The following SUMF1 variants were observed in gnomAD, a reference collection of about 807,000 sequenced individuals.
SUMF1 encodes sulfatase modifying factor 1.
In SUMF1, 48 loss-of-function variants were observed where a neutral mutation model predicts 47.6. The observed-to-expected ratio is 1.01, with a 90% CI of 0.80 to 1.28. SUMF1 has a LOEUF of 1.28. Among genes scored for constraint, SUMF1 ranks in the 50% most tolerant of loss-of-function variants. The probability of loss-of-function intolerance (pLI) is 0.00; values close to 1 mark genes in which losing one functional copy is unlikely to be tolerated. For synonymous variants in SUMF1, 230 were observed against 192.1 expected (o/e 1.20, Z -1.63); for missense variants, 571 against 485.4 (o/e 1.18, Z -1.66).
At chr3:4,203,244 A>G (rs953823917) in intron 8 of SUMF1, among the ~76,000 whole-genome samples, 22 of 151,828 alleles carry the variant, frequency 1.4e-4, no homozygotes, top group Admixed American at 4.6e-4. Flanking sequence ...CTCTAATAAT[A>G]TTTGCTTTAT....
chr3:4,275,652 G>A (rs1697399134), intron 8 of SUMF1, among the ~76,000 whole-genome samples: 1 of 152,150 alleles, frequency 6.6e-6, no homozygotes, highest in Non-Finnish European at 1.5e-5. Context: ...TGGGGATGAG[G>A]CCAACTTCTC....
At chr3:4,104,034 G>T (rs1202515515) in intron 8 of SUMF1, among the ~76,000 whole-genome samples, 1 of 152,138 alleles carries the variant, frequency 6.6e-6, no homozygotes, top group Non-Finnish European at 1.5e-5. Flanking sequence ...GAGAGACCAT[G>T]CTGGAAATTT....
chr3:4,290,605 C>T (rs1421630647), intron 8 of SUMF1, among the ~76,000 whole-genome samples: 4 of 152,158 alleles, frequency 2.6e-5, no homozygotes, highest in African/African-American at 9.7e-5. Context: ...TCTTCAAATA[C>T]TACCCGCTCC....
At chr3:4,370,454 T>G (rs1313186412) in intron 8 of SUMF1, among the ~76,000 whole-genome samples, 1 of 152,228 alleles carries the variant, frequency 6.6e-6, no homozygotes, top group Non-Finnish European at 1.5e-5. Flanking sequence ...AGGTTTTTGT[T>G]GAATGGCATA....
chr3:4,113,456 AG>A (rs1693355597), intron 8 of SUMF1, among the ~76,000 whole-genome samples: 1 of 152,004 alleles, frequency 6.6e-6, no homozygotes, highest in African/African-American at 2.4e-5. Context: ...CTGAGCCAGG[AG>A]GTTACAGTAG....
intron 8 of SUMF1, chr3:4,313,966 G>C (rs1192548900): frequency 4.3e-6 from 4 of 936,324 alleles, no homozygotes; most frequent in Non-Finnish European, 6.2e-6. Flanking sequence ...CACTTTCCTA[G>C]TTAGATTTGT....
intron 8 of SUMF1, among the ~76,000 whole-genome samples, chr3:4,261,373 C>T (rs1189596259): frequency 6.6e-6 from 1 of 152,162 alleles, no homozygotes; most frequent in South Asian, 2.1e-4. Context: ...AAACACAAAG[C>T]TCCTCCAATA....
At chr3:4,318,145 A>G (rs1417633789) in intron 8 of SUMF1, among the ~76,000 whole-genome samples, 1 of 152,130 alleles carries the variant, frequency 6.6e-6, no homozygotes, top group African/African-American at 2.4e-5. Context: ...AACCAAAGAC[A>G]TTACTAGGAA....
intron 3 of SUMF1, among the ~76,000 whole-genome samples, chr3:4,435,039 T>C (rs892695188): frequency 6.6e-6 from 1 of 152,210 alleles, no homozygotes; most frequent in African/African-American, 2.4e-5. Flanking sequence ...GTGATTCTTA[T>C]GTCTCAGCCT....
chr3:4,230,569 C>T (rs1242799), intron 8 of SUMF1, among the ~76,000 whole-genome samples: 28,336 of 152,050 alleles, frequency 0.19, 3,183 homozygotes, highest in South Asian at 0.38. Context: ...TCTCCGGATA[C>T]GCCACCTTCC....
intron 8 of SUMF1, among the ~76,000 whole-genome samples, chr3:4,133,012 T>C (rs1693828251): frequency 1.3e-5 from 2 of 152,112 alleles, no homozygotes; most frequent in South Asian, 4.2e-4. Flanking sequence ...GCTTAGGTGC[T>C]TGGTGAAGGC....
intron 8 of SUMF1, among the ~76,000 whole-genome samples, chr3:4,244,365 C>T (rs1002816811): frequency 6.6e-6 from 1 of 152,216 alleles, no homozygotes; most frequent in Admixed American, 6.5e-5. Context: ...ATGGTCTTTA[C>T]AATTTGGCAT....
At chr3:4,292,976 C>T (rs1356561942) in intron 8 of SUMF1, among the ~76,000 whole-genome samples, 10 of 152,054 alleles carry the variant, frequency 6.6e-5, no homozygotes, top group Non-Finnish European at 1.0e-4. Flanking sequence ...AGTTCCAGAA[C>T]GTGAAATTTA....
chr3:4,251,709 A>G (rs1031637689), intron 8 of SUMF1, among the ~76,000 whole-genome samples: 4 of 152,336 alleles, frequency 2.6e-5, no homozygotes, highest in Non-Finnish European at 4.4e-5. Context: ...GCCAGATAGC[A>G]TCTTCTTCTA....
intron 8 of SUMF1, among the ~76,000 whole-genome samples, chr3:4,369,447 A>G (rs1700101512): frequency 6.6e-6 from 1 of 152,202 alleles, no homozygotes; most frequent in African/African-American, 2.4e-5. Flanking sequence ...GTGAAACAAC[A>G]GTGCTTTGGT....
At chr3:4,425,189 T>C (rs1179317031) in intron 3 of SUMF1, among the ~76,000 whole-genome samples, 1 of 152,210 alleles carries the variant, frequency 6.6e-6, no homozygotes, top group East Asian at 1.9e-4. Context: ...GGAGTCAAGC[T>C]GCCTAAGCTT....
chr3:4,383,007 C>T (rs1381577831), intron 7 of SUMF1, among the ~76,000 whole-genome samples: 2 of 151,684 alleles, frequency 1.3e-5, no homozygotes, highest in Non-Finnish European at 2.9e-5. Context: ...CACCATGGCA[C>T]GTGTATACCT....
At chr3:4,343,539 G>A (rs372893739) in intron 8 of SUMF1, among the ~76,000 whole-genome samples, 1 of 152,196 alleles carries the variant, frequency 6.6e-6, no homozygotes, top group Non-Finnish European at 1.5e-5. Flanking sequence ...GAATGCTCTA[G>A]AACTCAGGCC....
At chr3:4,416,997 T>C (rs1701735026) in intron 6 of SUMF1, 131 bp downstream of exon 6, 3 of 822,394 alleles carry the variant, frequency 3.6e-6, no homozygotes, top group South Asian at 1.3e-5. Flanking sequence ...ATTTGCTACG[T>C]GCAACAGTGA....
Sources: allele counts gnomAD v4.1 joint callset (sites outside exome capture counted in the v4.1 genomes callset), GRCh38; gene constraint gnomAD v4.1.1; transcripts MANE v1.5; gene names NCBI Gene and HGNC (gene_info 2026-07-23, HGNC 2026-07-21).